Variants in SPAG6 observed in about 807,000 individuals in gnomAD.
The protein encoded by SPAG6 is sperm associated antigen 6.
Under a neutral mutation model 58.5 loss-of-function variants are expected in SPAG6, and 49 were observed. The ratio of observed to expected loss-of-function variants is 0.84; its 90% confidence interval spans 0.67 to 1.06. The LOEUF is 1.06. Ranked by LOEUF, SPAG6 falls within the 50% of genes least tolerant of loss-of-function variation. The pLI, the probability that SPAG6 is intolerant of heterozygous loss-of-function variation, is 0.00. For missense variants in SPAG6, 560 were observed against 611.3 expected, an observed-to-expected ratio of 0.92 and a Z score of 0.89; for synonymous variants, 233 against 225.6, an observed-to-expected ratio of 1.03 and a Z score of -0.29.
intron 2 of SPAG6, among the ~76,000 whole-genome samples, chr10:22,354,581 A>G (rs1430793955): frequency 6.6e-6 from 1 of 152,194 alleles, no homozygotes; most frequent in Non-Finnish European, 1.5e-5. Context: ...ATATTTCCTC[A>G]TGTAATTGTA....
At chr10:22,394,451 G>A (rs1834247701) in intron 8 of SPAG6, among the ~76,000 whole-genome samples, 1 of 151,934 alleles carries the variant, frequency 6.6e-6, no homozygotes, top group Non-Finnish European at 1.5e-5. Flanking sequence ...TCATTTTTTA[G>A]CAGCTTTATT....
chr10:22,357,667 C>T (rs1344705013), intron 2 of SPAG6, among the ~76,000 whole-genome samples: 1 of 151,640 alleles, frequency 6.6e-6, no homozygotes, highest in Non-Finnish European at 1.5e-5. Flanking sequence ...ATGTGCCGTG[C>T]TGGTGTGCTG....
chr10:22,374,823 A>G (rs781334340), intron 4 of SPAG6, among the ~76,000 whole-genome samples: 1 of 152,154 alleles, frequency 6.6e-6, no homozygotes, highest in Non-Finnish European at 1.5e-5. Flanking sequence ...TACAGTGGCA[A>G]AAAAGAGGAA....
chr10:22,388,376 A>G (rs577597524), intron 6 of SPAG6, among the ~76,000 whole-genome samples: 3 of 152,224 alleles, frequency 2.0e-5, no homozygotes, highest in South Asian at 4.2e-4. Flanking sequence ...GTCATTTCCA[A>G]CTTTCCATTT....
chr10:22,413,066 C>CAAAAAAAAAA (rs775680159), intron 10 of SPAG6: 272 of 42,838 alleles, frequency 6.3e-3, no homozygotes, highest in Middle Eastern at 0.017. Flanking sequence ...CAGAAAGATG[C>CAAAAAAAAAA]AAAAAAAAAA....
chr10:22,375,585 C>CTTTTTTTT (rs928312845), intron 4 of SPAG6, among the ~76,000 whole-genome samples: 2 of 126,196 alleles, frequency 1.6e-5, no homozygotes, highest in African/African-American at 2.9e-5. Context: ...AAAGGATTTT[C>CTTTTTTTT]TTTTTTTTTT....
chr10:22,365,793 G>A (rs1465561413), intron 3 of SPAG6, among the ~76,000 whole-genome samples: 1 of 152,072 alleles, frequency 6.6e-6, no homozygotes, highest in Non-Finnish European at 1.5e-5. Flanking sequence ...TATAAAAATG[G>A]CCAAGAAGCA....
At chr10:22,366,259 C>A (rs1043005124) in intron 3 of SPAG6, among the ~76,000 whole-genome samples, 19 of 152,168 alleles carry the variant, frequency 1.2e-4, no homozygotes, top group Non-Finnish European at 1.5e-5. Context: ...AAATGCTACA[C>A]CATGGATGAC....
At chr10:22,370,857 G>GT (rs964772810) in intron 4 of SPAG6, among the ~76,000 whole-genome samples, 7 of 151,490 alleles carry the variant, frequency 4.6e-5, no homozygotes, top group Non-Finnish European at 8.8e-5. Flanking sequence ...TATTTAGTAA[G>GT]TTTTTTTTTA....
In SPAG6 at chr10:22,358,176, G is replaced by A. The variant is rs567562464; in HGVS notation, c.122-6677G>A. ...AATCGCCACACTGACTTCAACAATG[G>A]TTGAACTAGTTTACAGTCCCACCAA... On this transcript the variant is annotated intron_variant, in intron 2 of 10. Transcript: ENST00000376624. 4.8e-3 allele frequency among the ~76,000 whole-genome samples: 730 copies of A among 152,206 alleles called. 10 individuals are homozygous for A. The highest frequency in any genetic ancestry group is 0.017 in the African/African-American group (694 of 41,526).
At chr10:22,394,887 T>G (rs1322483401) in intron 8 of SPAG6, among the ~76,000 whole-genome samples, 7 of 152,094 alleles carry the variant, frequency 4.6e-5, no homozygotes, top group Non-Finnish European at 1.0e-4. Flanking sequence ...ATTTTTTCTT[T>G]TTTTGGAGAG....
intron 9 of SPAG6, among the ~76,000 whole-genome samples, chr10:22,410,023 T>G (rs945873350): frequency 1.6e-4 from 25 of 152,226 alleles, no homozygotes; most frequent in Middle Eastern, 3.4e-3. Flanking sequence ...TTCCTCAACC[T>G]CCCCTCCACA....
intron 4 of SPAG6, among the ~76,000 whole-genome samples, 183 bp downstream of exon 4, chr10:22,368,861 C>T (rs1837270069): frequency 6.6e-6 from 1 of 151,602 alleles, no homozygotes; most frequent in African/African-American, 2.4e-5. Context: ...AAAAAAAACC[C>T]TATATATTTC....
At chr10:22,388,327 G>A (rs557755669) in intron 6 of SPAG6, among the ~76,000 whole-genome samples, 1 of 152,230 alleles carries the variant, frequency 6.6e-6, no homozygotes, top group Admixed American at 6.5e-5. Flanking sequence ...GAGAACACTG[G>A]GTTATATTAG....
chr10:22,396,426 C>T (rs1277089025), intron 8 of SPAG6, among the ~76,000 whole-genome samples: 4 of 152,050 alleles, frequency 2.6e-5, no homozygotes, highest in Non-Finnish European at 5.9e-5. Flanking sequence ...CTGAGGCCTC[C>T]CCAGCCATGT....
chr10:22,385,414 C>T (rs1485319232), intron 4 of SPAG6, among the ~76,000 whole-genome samples: 3 of 152,172 alleles, frequency 2.0e-5, no homozygotes, highest in Non-Finnish European at 2.9e-5. Flanking sequence ...ATCTGCCTCT[C>T]GTTCTTGAGA....
intron 9 of SPAG6, among the ~76,000 whole-genome samples, chr10:22,406,070 G>C (rs949752442): frequency 6.6e-6 from 1 of 151,956 alleles, no homozygotes; most frequent in Non-Finnish European, 1.5e-5. Flanking sequence ...CAATTTTGTG[G>C]ATCTTTTCAA....
Position 22,345,547 on chromosome 10 carries a change from G to A in SPAG6, c.-65G>A. 1 of 1,404,304 alleles carries A rather than the reference G, an allele frequency of 7.1e-7. No individual in the cohort carries two copies. Among genetic ancestry groups the A allele is most frequent in the East Asian group, 2.6e-5 (1 of 39,086 alleles). The allele number at this position is 1,404,304 out of a possible 1,614,324, so 87.0% of individuals were successfully genotyped here. A position where few individuals can be genotyped will look rare whatever the true frequency, so the allele number is the denominator to read the frequency against. On this transcript the variant is annotated 5_prime_UTR_variant, in exon 1 of 11. It adds an upstream start codon to the 5' untranslated region. Transcript: ENST00000376624. The surrounding 1 kb of genome is among the most constrained non-coding windows in gnomAD (Gnocchi z 6.3). Reference sequence around the variant, plus strand: ...AGTCGTCGCCACGATCGCCCCCTTGGTGGACTCGCAGGCCGAGCGGCTTCC... The same window carrying A: ...AGTCGTCGCCACGATCGCCCCCTTGATGGACTCGCAGGCCGAGCGGCTTCC...
chr10:22,413,468 G>T (rs960413563), intron 10 of SPAG6, among the ~76,000 whole-genome samples: 16 of 151,964 alleles, frequency 1.1e-4, no homozygotes, highest in African/African-American at 3.1e-4. Flanking sequence ...GGGAGGCGGA[G>T]CTTGCAGTGA....
Sources: gnomAD v4.1 joint callset for allele counts (sites outside exome capture counted in the v4.1 genomes callset) on GRCh38, gnomAD v4.1.1 for gene constraint, Gnocchi (gnomAD v3.1) non-coding constraint, MANE v1.5 for transcripts, NCBI Gene and HGNC (gene_info 2026-07-23, HGNC 2026-07-21) for gene names.